Variants in PRELID2 observed in about 807,000 individuals in gnomAD.
The protein encoded by PRELID2 is PRELI domain containing 2.
PRELID2 carries 25 observed loss-of-function variants against 28.4 expected under a neutral mutation model. The observed-to-expected ratio is 0.88, with a 90% confidence interval of 0.64 to 1.23. PRELID2 has a LOEUF of 1.23. PRELID2 is among the 50% of genes most tolerant of loss of function. The pLI is 0.00. For synonymous variants in PRELID2, 76 were observed against 71.6 expected (o/e 1.06, Z -0.31); for missense variants, 201 against 214.4 (o/e 0.94, Z 0.39).
chr5:145,419,336 A>G, the PRELID2 span, among the ~76,000 whole-genome samples: 2 of 126,688 alleles, frequency 1.6e-5, no homozygotes, highest in South Asian at 2.6e-4. Context: ...ACTAGTTTAC[A>G]GTCCCACCAA....
intron 1 of PRELID2, among the ~76,000 whole-genome samples, chr5:145,659,504 C>A (rs1754453014): frequency 6.6e-6 from 1 of 152,200 alleles, no homozygotes. Flanking sequence ...ATGGACCTAG[C>A]AGCTGGAAAG....
intron 1 of PRELID2, among the ~76,000 whole-genome samples, chr5:145,562,280 T>C (rs555570625): frequency 6.6e-5 from 10 of 152,346 alleles, no homozygotes; most frequent in Admixed American, 5.9e-4. Context: ...GGCAGTCTTT[T>C]ACAACTTCTT....
intron 1 of PRELID2, among the ~76,000 whole-genome samples, chr5:145,553,008 CT>C (rs1201352595): frequency 1.3e-5 from 2 of 152,130 alleles, no homozygotes; most frequent in African/African-American, 4.8e-5. Flanking sequence ...CTCCTTCTAC[CT>C]TTTGCAGATA....
chr5:145,349,623 A>G, the PRELID2 span, among the ~76,000 whole-genome samples: 380 of 152,292 alleles, frequency 2.5e-3, 9 homozygotes, highest in East Asian at 0.066. Context: ...ACCATCTTCA[A>G]TTAAAGAAGT....
At chr5:145,589,187 C>A (rs1294784888) in intron 1 of PRELID2, among the ~76,000 whole-genome samples, 1 of 152,120 alleles carries the variant, frequency 6.6e-6, no homozygotes, top group Non-Finnish European at 1.5e-5. Context: ...TTTGCATCAT[C>A]CTTCCCTTAC....
intron 3 of PRELID2, chr5:145,819,707 T>A (rs1312795862): frequency 7.0e-6 from 4 of 575,340 alleles, no homozygotes. Flanking sequence ...TTAAAGTAAC[T>A]GCACAATATC....
At chr5:145,263,003 C>T in the PRELID2 span, among the ~76,000 whole-genome samples, 4 of 152,070 alleles carry the variant, frequency 2.6e-5, no homozygotes, top group Non-Finnish European at 4.4e-5. Context: ...AACAATATTG[C>T]ATGCTCATAG....
At chr5:145,342,986 A>T in the PRELID2 span, among the ~76,000 whole-genome samples, 1 of 151,828 alleles carries the variant, frequency 6.6e-6, no homozygotes, top group African/African-American at 2.4e-5. Flanking sequence ...TTTAATATAC[A>T]TGCATCCAAC....
chr5:145,486,402 T>G (rs1012067676), intron 1 of PRELID2, among the ~76,000 whole-genome samples: 2 of 152,228 alleles, frequency 1.3e-5, no homozygotes, highest in Non-Finnish European at 1.5e-5. Context: ...ATTTGTTAAA[T>G]TAATGAATAA....
At chr5:145,321,615 T>C in the PRELID2 span, among the ~76,000 whole-genome samples, 3 of 152,228 alleles carry the variant, frequency 2.0e-5, no homozygotes, top group Admixed American at 6.5e-5. Context: ...CCTATTTTGT[T>C]TTATTGGACA....
chr5:145,271,131 G>C, the PRELID2 span, among the ~76,000 whole-genome samples: 2 of 152,046 alleles, frequency 1.3e-5, no homozygotes, highest in Non-Finnish European at 2.9e-5. Flanking sequence ...CCTCCCACCA[G>C]GTCTCTCCCT....
the PRELID2 span, among the ~76,000 whole-genome samples, chr5:145,388,310 A>C: frequency 6.6e-6 from 1 of 152,192 alleles, no homozygotes; most frequent in Non-Finnish European, 1.5e-5. Context: ...TGTCCCTGAA[A>C]ATCTACAATA....
chr5:145,260,736 C>A, the PRELID2 span, among the ~76,000 whole-genome samples: 1 of 152,184 alleles, frequency 6.6e-6, no homozygotes, highest in Non-Finnish European at 1.5e-5. Context: ...ATGGACAAAG[C>A]AGCATGTGGA....
chr5:145,579,457 T>C (rs1753089466), intron 1 of PRELID2, among the ~76,000 whole-genome samples: 1 of 152,096 alleles, frequency 6.6e-6, no homozygotes, highest in African/African-American at 2.4e-5. Context: ...GCAATAATTG[T>C]GTAATTGTAT....
At chr5:145,728,755 C>T (rs1463806338) in intron 1 of PRELID2, 14 of 1,438,394 alleles carry the variant, frequency 9.7e-6, no homozygotes, top group Admixed American at 6.7e-5. Context: ...GTTGTGAAGG[C>T]TTCATTTTGT....
chr5:145,295,112 A>G, the PRELID2 span, among the ~76,000 whole-genome samples: 1 of 152,094 alleles, frequency 6.6e-6, no homozygotes, highest in East Asian at 1.9e-4. Context: ...AATGTGTTAT[A>G]CTAATGTGGA....
intron 1 of PRELID2, among the ~76,000 whole-genome samples, chr5:145,612,680 A>C (rs1753634113): frequency 6.6e-6 from 1 of 152,164 alleles, no homozygotes; most frequent in South Asian, 2.1e-4. Context: ...CTCATAGCTT[A>C]GCTCCCACAT....
chr5:145,287,732 T>C, the PRELID2 span, among the ~76,000 whole-genome samples: 1 of 152,208 alleles, frequency 6.6e-6, no homozygotes, highest in Non-Finnish European at 1.5e-5. Context: ...AATGAATCAA[T>C]ACTGATACTA....
chr5:145,626,141 T>A (rs1753841769), intron 1 of PRELID2, among the ~76,000 whole-genome samples: 1 of 152,060 alleles, frequency 6.6e-6, no homozygotes, highest in East Asian at 1.9e-4. Context: ...TATGACTAGG[T>A]CTTCAAAAGA....
Sources: gnomAD v4.1 joint callset for allele counts (sites outside exome capture counted in the v4.1 genomes callset) on GRCh38, gnomAD v4.1.1 for gene constraint, MANE v1.5 for transcripts, NCBI Gene and HGNC (gene_info 2026-07-23, HGNC 2026-07-21) for gene names.